Variants in GRIN2B observed in about 807,000 individuals in gnomAD.
GRIN2B encodes the protein glutamate receptor ionotropic, NMDA 2B.
GRIN2B carries 5 observed loss-of-function variants against 114.5 expected under a neutral mutation model. The ratio of observed to expected loss-of-function variants is 0.04; its 90% CI spans 0.02 to 0.09. GRIN2B has a LOEUF of 0.09. GRIN2B is among the 10% of genes least tolerant of loss of function. The pLI, the probability that GRIN2B is intolerant of heterozygous loss-of-function variation, is 1.00. For synonymous variants in GRIN2B, 787 were observed against 745.1 expected (o/e 1.06, Z -0.92); for missense variants, 1,108 against 1,943.5 (o/e 0.57, Z 8.08).
rs1355467321 is a variant in GRIN2B at position 13,556,595 on chromosome 12, C to A, written c.*6188G>T. Reference sequence around the variant, plus strand: ...AGAGTTCAGGTTTAAAGTGTGGAAACCTAATCTTTAAAATAACAGTTTAAA... The same window carrying A: ...AGAGTTCAGGTTTAAAGTGTGGAAAACTAATCTTTAAAATAACAGTTTAAA... On this transcript the variant is annotated 3_prime_UTR_variant, in exon 14 of 14. Transcript: ENST00000609686. 2.0e-5 allele frequency: 3 copies of A among 152,050 alleles called. No homozygotes were observed. Among genetic ancestry groups the A allele is most frequent in the Non-Finnish European group, 2.9e-5 (2 of 67,998 alleles). The allele number at this position is 152,050 out of a possible 1,614,324, so 9.4% of individuals were successfully genotyped here. A position where few individuals can be genotyped will look rare whatever the true frequency, so the allele number is the denominator to read the frequency against.
intron 12 of GRIN2B, 22 bp from the exon 13 acceptor site, chr12:13,567,285 A>G: frequency 6.5e-7 from 1 of 1,537,708 alleles, no homozygotes; most frequent in Non-Finnish European, 9.0e-7. Context: ...ACAGAGAAGG[A>G]AAATGGATAA....
In GRIN2B at chr12:13,823,896, T is replaced by C. The variant is rs149501033; in HGVS notation, c.411+41902A>G. Reference sequence around the variant, plus strand: ...TTTTTTCAAACTGTTCCCTGCATTATTGAAGTGATCATATATATTTTTCAT... The same window carrying C: ...TTTTTTCAAACTGTTCCCTGCATTACTGAAGTGATCATATATATTTTTCAT... On this transcript the variant is annotated intron_variant, in intron 3 of 13. Coordinates refer to ENST00000609686, the MANE Select transcript of GRIN2B (RefSeq NM_000834.5). Among the ~76,000 whole-genome samples the C allele has an allele frequency of 4.5e-3, 687 of 152,268 alleles. 4 individuals are homozygous for C. Among genetic ancestry groups the C allele is most frequent in the South Asian group, 0.012 (58 of 4,820 alleles).
intron 3 of GRIN2B, among the ~76,000 whole-genome samples, chr12:13,795,535 C>T (rs1864404201): frequency 6.6e-6 from 1 of 152,160 alleles, no homozygotes; most frequent in Non-Finnish European, 1.5e-5. Context: ...AAGAATTCAA[C>T]TAGCTAATGC....
At chr12:13,749,071 A>T in intron 4 of GRIN2B, among the ~76,000 whole-genome samples, 1 of 152,374 alleles carries the variant, frequency 6.6e-6, no homozygotes, top group African/African-American at 2.4e-5. Context: ...TTAAGAAGTT[A>T]TCAGTGAGGA....
Position 13,753,679 on chromosome 12 carries a change from G to A in GRIN2B, c.648C>T (p.Ile216=), listed in dbSNP as rs756521548. 1.2e-6 allele frequency: 2 copies of A among 1,613,754 alleles called. No homozygotes were observed. The highest frequency in any genetic ancestry group is 3.3e-5 in the Admixed American group (2 of 59,990). ...TTTGAAGTTTCTTGAGCTGATTCTGGATCTTAGAATCTCCATCGTCCAGGG... is the reference window on the plus strand; with the variant it reads ...TTTGAAGTTTCTTGAGCTGATTCTGAATCTTAGAATCTCCATCGTCCAGGG... The part of the protein sequence containing the change: ...DMSLDDGDSK[I]QNQLKKLQSP... The change falls in exon 4 of 14, where the codon ATC becomes ATT. Residue 216 remains isoleucine, a synonymous_variant. Transcript: ENST00000609686. This position sits in a 1 kb window ranked among gnomAD's most constrained non-coding sequence, Gnocchi z 6.2.
chr12:13,567,133 A>C lies in GRIN2B; in HGVS notation c.2490T>G (p.Ala830=), dbSNP rs201700182. The change falls in exon 13 of 14, where the codon GCT becomes GCG. Residue 830 remains alanine (A), a synonymous_variant. Coordinates refer to ENST00000609686, the MANE Select transcript of GRIN2B (RefSeq NM_000834.5). ...CGCAGATGAAGGTGATGAGGCTGAG[A>C]GCCATGGCCGCCCCCAACATGTAGA... ...GVFYMLGAAM[A]LSLITFICEH... 1.9e-6 allele frequency: 3 copies of C among 1,614,136 alleles called. No homozygotes were observed. The highest frequency in any genetic ancestry group is 2.2e-5 in the East Asian group (1 of 44,890).
chr12:13,924,713 G>A (rs565839114), intron 2 of GRIN2B, among the ~76,000 whole-genome samples: 1 of 152,146 alleles, frequency 6.6e-6, no homozygotes, highest in East Asian at 1.9e-4. Context: ...AGGAATATCT[G>A]TATCTTCACT....
chr12:13,584,295 T>C (rs1948889440), intron 10 of GRIN2B, among the ~76,000 whole-genome samples: 1 of 152,216 alleles, frequency 6.6e-6, no homozygotes, highest in Non-Finnish European at 1.5e-5. Flanking sequence ...TAATTGCCTT[T>C]TTATTTTCTG....
chr12:13,657,208 A>G (rs1263417486), intron 5 of GRIN2B, among the ~76,000 whole-genome samples: 1 of 152,174 alleles, frequency 6.6e-6, no homozygotes, highest in African/African-American at 2.4e-5. Flanking sequence ...AAAACCCACT[A>G]GGAAAACCAC....
chr12:13,962,832 C>A (rs1867720856), intron 2 of GRIN2B, among the ~76,000 whole-genome samples: 1 of 152,150 alleles, frequency 6.6e-6, no homozygotes, highest in Non-Finnish European at 1.5e-5. Flanking sequence ...CAGAAGAGTG[C>A]CAAAATTGCT....
chr12:13,659,650 C>G, intron 5 of GRIN2B, among the ~76,000 whole-genome samples: 1 of 152,182 alleles, frequency 6.6e-6, no homozygotes, highest in South Asian at 2.1e-4. Context: ...AACTCTTATT[C>G]AATAAACAAA....
chr12:13,774,548 C>T (rs902302031), intron 3 of GRIN2B, among the ~76,000 whole-genome samples: 1 of 152,172 alleles, frequency 6.6e-6, no homozygotes. Context: ...GAAGGGATTA[C>T]TATCCACTGG....
At chr12:13,763,175 T>G (rs1227735600) in intron 3 of GRIN2B, among the ~76,000 whole-genome samples, 1 of 152,158 alleles carries the variant, frequency 6.6e-6, no homozygotes, top group Non-Finnish European at 1.5e-5. Flanking sequence ...CCAGCTTCAT[T>G]CAACTATAAG....
intron 2 of GRIN2B, among the ~76,000 whole-genome samples, chr12:13,937,096 A>AGGG (rs761130234): frequency 1.6e-5 from 2 of 128,900 alleles, no homozygotes; most frequent in African/African-American, 2.9e-5. Context: ...AAAAAAAAAA[A>AGGG]GGGGGGGGGG....
intron 2 of GRIN2B, among the ~76,000 whole-genome samples, chr12:13,924,962 A>G (rs1191305889): frequency 6.6e-6 from 1 of 152,188 alleles, no homozygotes; most frequent in Non-Finnish European, 1.5e-5. Flanking sequence ...CCTTAAGGCT[A>G]TAATCATGAA....
rs111903966 is a variant in GRIN2B at position 13,941,276 on chromosome 12, G to C, written c.-19+38652C>G. Among the ~76,000 whole-genome samples, 809 of 152,182 alleles carry C rather than the reference G, an allele frequency of 5.3e-3. 6 individuals carry two copies. The highest frequency in any genetic ancestry group is 0.019 in the African/African-American group (781 of 41,500). ...TCCTTTATGTTCCCACATTGAACCT[G>C]GTCAAAAGCTAAAAATGCCTGTAAC... On this transcript the variant is annotated intron_variant, in intron 2 of 13. Coordinates refer to ENST00000609686, the MANE Select transcript of GRIN2B (RefSeq NM_000834.5).
intron 5 of GRIN2B, among the ~76,000 whole-genome samples, chr12:13,624,229 C>G (rs1949546958): frequency 6.6e-6 from 1 of 152,004 alleles, no homozygotes; most frequent in African/African-American, 2.4e-5. Flanking sequence ...ATTAGATTGC[C>G]TTTTTTTTGT....
At chr12:13,591,066 C>T (rs1380180961) in intron 10 of GRIN2B, among the ~76,000 whole-genome samples, 6 of 152,152 alleles carry the variant, frequency 3.9e-5, no homozygotes, top group Non-Finnish European at 8.8e-5. Context: ...TCCAGGCATC[C>T]TCGGAGCCAG....
At chr12:13,768,506 G>T (rs769596326) in intron 3 of GRIN2B, among the ~76,000 whole-genome samples, 1 of 152,206 alleles carries the variant, frequency 6.6e-6, no homozygotes, top group Non-Finnish European at 1.5e-5. Context: ...AGAAGGAAGT[G>T]GCTCAGATGC....
Sources: gnomAD v4.1 joint callset for allele counts (sites outside exome capture counted in the v4.1 genomes callset) on GRCh38, gnomAD v4.1.1 for gene constraint, Gnocchi (gnomAD v3.1) non-coding constraint, MANE v1.5 for transcripts, NCBI Gene and HGNC (gene_info 2026-07-23, HGNC 2026-07-21) for gene names.